The following FNDC3A variants were observed in gnomAD, a reference collection of about 807,000 sequenced individuals.
The protein encoded by FNDC3A is fibronectin type III domain containing 3A, also known as fibronectin type-III domain-containing protein 3A.
FNDC3A carries 32 observed loss-of-function variants against 148.9 expected under a neutral mutation model. The ratio of observed to expected loss-of-function variants is 0.21; its 90% CI spans 0.16 to 0.29. FNDC3A has a LOEUF of 0.29. FNDC3A is among the 10% of genes least tolerant of loss of function. The pLI, the probability that FNDC3A is intolerant of heterozygous loss-of-function variation, is 1.00. For missense variants in FNDC3A, 1,191 were observed against 1,452.8 expected, an observed-to-expected ratio of 0.82 and a Z score of 2.93; for synonymous variants, 472 against 473.6, an observed-to-expected ratio of 1.00 and a Z score of 0.04.
At chr13:49,099,907 A>T (rs1003804950) in intron 3 of FNDC3A, among the ~76,000 whole-genome samples, 10 of 152,130 alleles carry the variant, frequency 6.6e-5, no homozygotes, top group African/African-American at 2.4e-4. Context: ...TGTAGTCTTA[A>T]AATATTACAA....
intron 2 of FNDC3A, among the ~76,000 whole-genome samples, chr13:49,043,828 A>T (rs1224968845): frequency 1.3e-5 from 2 of 152,102 alleles, no homozygotes; most frequent in African/African-American, 4.8e-5. Context: ...ATATACATTG[A>T]CCCCTCTCCT....
intron 3 of FNDC3A, among the ~76,000 whole-genome samples, chr13:49,100,134 A>G (rs1162909136): frequency 6.6e-6 from 1 of 152,158 alleles, no homozygotes; most frequent in Admixed American, 6.6e-5. Flanking sequence ...CAATATTCAG[A>G]TACTCAATAT....
chr13:49,095,548 A>T (rs187909857), intron 3 of FNDC3A: 1 of 152,190 alleles, frequency 6.6e-6, no homozygotes, highest in African/African-American at 2.4e-5. Context: ...TACCTTGAGG[A>T]TTTATTTTCT....
At chr13:49,120,121 G>A (rs765818676) in intron 4 of FNDC3A, among the ~76,000 whole-genome samples, 11 of 152,164 alleles carry the variant, frequency 7.2e-5, no homozygotes, top group South Asian at 2.1e-4. Context: ...AGGGAAGCCC[G>A]TCAGACTAAT....
At chr13:49,153,295 T>G (rs952220610) in intron 8 of FNDC3A, among the ~76,000 whole-genome samples, 17 of 152,126 alleles carry the variant, frequency 1.1e-4, no homozygotes, top group African/African-American at 3.9e-4. Context: ...TTTCATGTGT[T>G]TTTTGGCTGC....
At chr13:49,113,319 C>CT (rs55706030) in intron 3 of FNDC3A, among the ~76,000 whole-genome samples, 148,989 of 151,192 alleles carry the variant, frequency 0.99, 73,409 homozygotes, top group East Asian at 1. Context: ...TCCGTCACCC[C>CT]GTTTAGTAGT....
At chr13:49,111,332 A>G (rs1880556397) in intron 3 of FNDC3A, among the ~76,000 whole-genome samples, 1 of 152,204 alleles carries the variant, frequency 6.6e-6, no homozygotes, top group South Asian at 2.1e-4. Context: ...CGATACTTGT[A>G]TTTATTATGT....
At chr13:49,013,805 T>A (rs12019629) in intron 2 of FNDC3A, among the ~76,000 whole-genome samples, 105 of 144,956 alleles carry the variant, frequency 7.2e-4, no homozygotes, top group Non-Finnish European at 1.5e-3. Flanking sequence ...TGTCCATGTG[T>A]TCTCTTTGTT....
At chr13:49,014,299 G>A (rs1467163804) in intron 2 of FNDC3A, among the ~76,000 whole-genome samples, 3 of 95,756 alleles carry the variant, frequency 3.1e-5, no homozygotes, top group Non-Finnish European at 4.3e-5. Context: ...TCTAACTGGT[G>A]TGAGATGGTA....
intron 2 of FNDC3A, among the ~76,000 whole-genome samples, chr13:49,031,295 T>C (rs781385839): frequency 6.6e-6 from 1 of 151,882 alleles, no homozygotes; most frequent in Non-Finnish European, 1.5e-5. Flanking sequence ...GGCAGGAGAA[T>C]CGCTTGAACC....
At chr13:49,130,229 G>T (rs543270231) in intron 4 of FNDC3A, among the ~76,000 whole-genome samples, 30 of 142,650 alleles carry the variant, frequency 2.1e-4, no homozygotes, top group Non-Finnish European at 3.7e-4. Flanking sequence ...TTGTTTTTTG[G>T]TTTTTTTTTT....
rs1951592985 is a variant in FNDC3A at position 48,976,116 on chromosome 13, A to C, written c.-101A>C. 1 of 152,272 alleles carries C rather than the reference A, an allele frequency of 6.6e-6. No individual in the cohort carries two copies. The highest frequency in any genetic ancestry group is 1.5e-5 in the Non-Finnish European group (1 of 68,128). 9.4% of individuals were successfully genotyped at this position (152,272 alleles called of 1,614,324 possible). A position where few individuals can be genotyped will look rare whatever the true frequency, so the allele number is the denominator to read the frequency against. ...CAGCTGAGGTAGAGAGACAACGATCAGGAACCCTAAGAAGAGGCGCCAGAG... is the reference window on the plus strand; with the variant it reads ...CAGCTGAGGTAGAGAGACAACGATCCGGAACCCTAAGAAGAGGCGCCAGAG... On this transcript the variant is annotated 5_prime_UTR_variant, in exon 1 of 26. Transcript: ENST00000492622.
At chr13:49,118,839 A>G (rs1274605501) in intron 4 of FNDC3A, among the ~76,000 whole-genome samples, 4 of 152,238 alleles carry the variant, frequency 2.6e-5, no homozygotes, top group Admixed American at 1.3e-4. Flanking sequence ...CTCTGAAAGA[A>G]AGGCTCCAGC....
At chr13:49,098,814 T>C (rs1879688360) in intron 3 of FNDC3A, among the ~76,000 whole-genome samples, 1 of 152,124 alleles carries the variant, frequency 6.6e-6, no homozygotes, top group African/African-American at 2.4e-5. Flanking sequence ...ATTTAAGCAT[T>C]CTGCTTTATC....
At chr13:49,068,172 TA>T (rs1209565702) in intron 2 of FNDC3A, among the ~76,000 whole-genome samples, 1,789 of 137,342 alleles carry the variant, frequency 0.013, 10 homozygotes, top group African/African-American at 0.026. Context: ...CGTCTTTATT[TA>T]AAAAAAAAAA....
Position 49,136,563 on chromosome 13 carries a change from A to G in FNDC3A, c.722A>G (p.Lys241Arg). The G allele has an allele frequency of 6.2e-7, 1 of 1,614,028 alleles. No homozygotes were observed. Among genetic ancestry groups the G allele is most frequent in the Non-Finnish European group, 8.5e-7 (1 of 1,179,874 alleles). ...GGATCAGCAAAAATCAAGTCTGGGAAGGGGAAAGGTGGTACACAAGTTGAT... is the reference window on the plus strand; with the variant it reads ...GGATCAGCAAAAATCAAGTCTGGGAGGGGGAAAGGTGGTACACAAGTTGAT... The part of the protein sequence containing the change: ...NTGSAKIKSG[K>R]GKGGTQVDTE... The change falls in exon 6 of 26, where the codon AAG (lysine) becomes AGG (arginine). Residue 241 changes from lysine to arginine, a missense_variant. By Grantham distance (26) the Lys-to-Arg change is conservative. Coordinates refer to ENST00000492622, the MANE Select transcript of FNDC3A (RefSeq NM_001079673.2).
At chr13:49,198,682 A>C in intron 23 of FNDC3A, 108 bp downstream of exon 23, 12 of 879,204 alleles carry the variant, frequency 1.4e-5, no homozygotes, top group Non-Finnish European at 2.1e-5. Flanking sequence ...CTGTAATCTC[A>C]GCACTTTGGG....
intron 2 of FNDC3A, among the ~76,000 whole-genome samples, chr13:49,027,175 G>A (rs1281124295): frequency 6.6e-6 from 1 of 152,196 alleles, no homozygotes; most frequent in Non-Finnish European, 1.5e-5. Flanking sequence ...TTTGAGACTA[G>A]ACTCAATATC....
intron 1 of FNDC3A, among the ~76,000 whole-genome samples, chr13:48,983,488 A>G (rs2137548789): frequency 6.6e-6 from 1 of 152,358 alleles, no homozygotes; most frequent in South Asian, 2.1e-4. Flanking sequence ...CTACAGGAGC[A>G]CAAAAACAGC....
Sources: allele counts gnomAD v4.1 joint callset (sites outside exome capture counted in the v4.1 genomes callset), GRCh38; gene constraint gnomAD v4.1.1; transcripts MANE v1.5; gene names NCBI Gene and HGNC (gene_info 2026-07-23, HGNC 2026-07-21).